Variants in ADAM18 observed in about 807,000 individuals in gnomAD.
ADAM18 encodes ADAM metallopeptidase domain 18.
ADAM18 carries 117 observed loss-of-function variants against 94.4 expected under a neutral mutation model. That is an observed-to-expected ratio of 1.24 (90% CI 1.07 to 1.45). ADAM18 has a LOEUF of 1.45. Ranked by LOEUF, ADAM18 falls within the 40% of genes most tolerant of loss-of-function variation. The probability of loss-of-function intolerance (pLI) is 0.00; values close to 1 mark genes in which losing one functional copy is unlikely to be tolerated. For synonymous variants in ADAM18, 327 were observed against 291.6 expected (o/e 1.12, Z -1.24); for missense variants, 936 against 880.0 (o/e 1.06, Z -0.81).
intron 18 of ADAM18, among the ~76,000 whole-genome samples, chr8:39,720,536 C>T (rs1822716967): frequency 6.6e-6 from 1 of 151,298 alleles, no homozygotes; most frequent in Non-Finnish European, 1.5e-5. Flanking sequence ...GTTGCCAACT[C>T]TCGGGCACTA....
chr8:39,691,293 C>T (rs1314251264), intron 16 of ADAM18, among the ~76,000 whole-genome samples: 1 of 152,100 alleles, frequency 6.6e-6, no homozygotes, highest in Admixed American at 6.5e-5. Flanking sequence ...GCAAGCTCAT[C>T]ACCTGAAACT....
intron 16 of ADAM18, among the ~76,000 whole-genome samples, chr8:39,687,844 C>T (rs1458765583): frequency 6.6e-6 from 1 of 152,080 alleles, no homozygotes; most frequent in East Asian, 1.9e-4. Flanking sequence ...GGTGTGTGCG[C>T]ACCCTGTTTT....
rs191953799 is a variant in ADAM18, at chr8:39,653,615, G to A, written c.1230+5088G>A. 7.2e-5 allele frequency among the ~76,000 whole-genome samples: 11 copies of A among 152,162 alleles called. No individual in the cohort carries two copies. The East Asian group carries it at 1.7e-3, about 24-fold the overall frequency. ...AGGAATTCTACTGATTTTAGACTTAGGAAAAAACCTAATATGCCCTAACTT... is the reference window on the plus strand; with the variant it reads ...AGGAATTCTACTGATTTTAGACTTAAGAAAAAACCTAATATGCCCTAACTT... On this transcript the variant is annotated intron_variant, in intron 12 of 19. Coordinates refer to ENST00000265707, the MANE Select transcript of ADAM18 (RefSeq NM_014237.3).
intron 14 of ADAM18, among the ~76,000 whole-genome samples, chr8:39,671,958 G>C (rs886484811): frequency 6.6e-6 from 1 of 152,086 alleles, no homozygotes; most frequent in Admixed American, 6.6e-5. Context: ...CATGGGATGG[G>C]GGGTATTTAT....
intron 16 of ADAM18, among the ~76,000 whole-genome samples, chr8:39,691,526 A>G (rs1821780191): frequency 6.6e-6 from 1 of 151,876 alleles, no homozygotes; most frequent in Non-Finnish European, 1.5e-5. Context: ...GTGGCAATAA[A>G]CTCCCATGTT....
At chr8:39,617,322 A>G (rs1291017013) in intron 6 of ADAM18, among the ~76,000 whole-genome samples, 1 of 152,184 alleles carries the variant, frequency 6.6e-6, no homozygotes, top group African/African-American at 2.4e-5. Flanking sequence ...TAGAATGGCT[A>G]TTACTAAAAA....
At chr8:39,656,799 G>A (rs1029022106) in intron 12 of ADAM18, among the ~76,000 whole-genome samples, 1 of 152,102 alleles carries the variant, frequency 6.6e-6, no homozygotes, top group Non-Finnish European at 1.5e-5. Flanking sequence ...TTTACTAATC[G>A]CTAATAAATT....
chr8:39,629,412 A>G lies in ADAM18; in HGVS notation c.561A>G (p.Glu187=), dbSNP rs549206231. The change falls in exon 7 of 20, where the codon GAA becomes GAG. Residue 187 remains glutamate, a synonymous_variant. Coordinates refer to ENST00000265707, the MANE Select transcript of ADAM18 (RefSeq NM_014237.3). ...CAAAACTATTACCCCAATATCTGGA[A>G]ATATACATTATAGTGGAAAAAGCTT... is the stretch of plus-strand genomic sequence containing the variant. ...NLSKLLPQYL[E]IYIIVEKALY... 2.4e-5 allele frequency: 38 copies of G among 1,585,840 alleles called. No individual in the cohort carries two copies. In the South Asian group the frequency reaches 3.6e-4, roughly 15 times the overall value.
At chr8:39,586,409 T>C (rs1392422762) in intron 2 of ADAM18, among the ~76,000 whole-genome samples, 5 of 152,230 alleles carry the variant, frequency 3.3e-5, no homozygotes, top group African/African-American at 4.8e-5. Context: ...TAACTCCATT[T>C]CCACTACAGT....
intron 2 of ADAM18, among the ~76,000 whole-genome samples, chr8:39,591,648 CT>C (rs1818572789): frequency 6.6e-6 from 1 of 152,146 alleles, no homozygotes; most frequent in Non-Finnish European, 1.5e-5. Flanking sequence ...TCTTGAATCC[CT>C]CAAAGTCATT....
chr8:39,655,617 C>T (rs749928706), intron 12 of ADAM18, among the ~76,000 whole-genome samples: 2 of 151,978 alleles, frequency 1.3e-5, no homozygotes, highest in Non-Finnish European at 2.9e-5. Flanking sequence ...TCATCTTTCA[C>T]ACTTATTATT....
intron 2 of ADAM18, among the ~76,000 whole-genome samples, chr8:39,587,179 A>G (rs1325342014): frequency 6.6e-6 from 1 of 152,234 alleles, no homozygotes; most frequent in Non-Finnish European, 1.5e-5. Context: ...AAACATATCC[A>G]TCACCTCCAA....
chr8:39,714,232 T>A (rs1019723966), intron 18 of ADAM18, among the ~76,000 whole-genome samples: 2 of 152,098 alleles, frequency 1.3e-5, no homozygotes, highest in African/African-American at 4.8e-5. Flanking sequence ...AGGTGGGAAG[T>A]GAACAATGAG....
intron 2 of ADAM18, among the ~76,000 whole-genome samples, chr8:39,599,720 A>T (rs964546874): frequency 4.6e-5 from 7 of 152,152 alleles, no homozygotes; most frequent in African/African-American, 1.2e-4. Context: ...TATTCTTATT[A>T]TCCATTGTTG....
intron 16 of ADAM18, among the ~76,000 whole-genome samples, chr8:39,688,905 C>T (rs1361937411): frequency 1.3e-5 from 2 of 152,156 alleles, no homozygotes; most frequent in Non-Finnish European, 2.9e-5. Context: ...AATAGCCTTT[C>T]TGACTGGTAT....
intron 17 of ADAM18, among the ~76,000 whole-genome samples, chr8:39,705,983 G>C (rs755353818): frequency 2.8e-4 from 43 of 152,176 alleles, no homozygotes; most frequent in South Asian, 1.0e-3. Flanking sequence ...AAATGCATTT[G>C]ATATATATGA....
chr8:39,723,652 T>G, intron 18 of ADAM18, 96 bp from the exon 19 acceptor site: 1 of 896,122 alleles, frequency 1.1e-6, no homozygotes, highest in Non-Finnish European at 1.5e-6. Flanking sequence ...CATTAAAACT[T>G]CATTATATAT....
intron 17 of ADAM18, among the ~76,000 whole-genome samples, chr8:39,693,365 A>G (rs925366691): frequency 2.6e-5 from 4 of 151,446 alleles, no homozygotes; most frequent in Admixed American, 6.6e-5. Context: ...ATTTGCCATC[A>G]GTTATTAACA....
intron 14 of ADAM18, among the ~76,000 whole-genome samples, chr8:39,672,252 G>C (rs1455471094): frequency 6.6e-6 from 1 of 152,144 alleles, no homozygotes; most frequent in African/African-American, 2.4e-5. Context: ...CTAGAGAAAG[G>C]GATACCATAT....
Sources: gnomAD v4.1 joint callset for allele counts (sites outside exome capture counted in the v4.1 genomes callset) on GRCh38, gnomAD v4.1.1 for gene constraint, MANE v1.5 for transcripts, NCBI Gene and HGNC (gene_info 2026-07-23, HGNC 2026-07-21) for gene names.